The following NAALADL2 variants were observed in gnomAD, a reference collection of about 807,000 sequenced individuals.
NAALADL2 encodes the protein inactive N-acetylated-alpha-linked acidic dipeptidase-like protein 2.
NAALADL2 carries 76 observed loss-of-function variants against 87.2 expected under a neutral mutation model. The observed-to-expected ratio is 0.87, with a 90% CI of 0.72 to 1.05. The LOEUF (loss-of-function observed/expected upper bound fraction) is 1.05. Ranked by LOEUF, NAALADL2 falls within the 50% of genes least tolerant of loss-of-function variation. The pLI, the probability that NAALADL2 is intolerant of heterozygous loss-of-function variation, is 0.00. For synonymous variants in NAALADL2, 354 were observed against 331.0 expected, an observed-to-expected ratio of 1.07 and a Z score of -0.75; for missense variants, 1,089 against 945.8, an observed-to-expected ratio of 1.15 and a Z score of -1.99.
At chr3:175,683,309 G>A (rs1560970572) in intron 11 of NAALADL2, among the ~76,000 whole-genome samples, 1 of 151,712 alleles carries the variant, frequency 6.6e-6, no homozygotes, top group Non-Finnish European at 1.5e-5. Context: ...ACTAATTTTG[G>A]TCAAATTTAG....
chr3:175,090,756 G>A (rs543990696), intron 1 of NAALADL2, among the ~76,000 whole-genome samples: 1 of 152,030 alleles, frequency 6.6e-6, no homozygotes, highest in Admixed American at 6.6e-5. Context: ...ACTCATTTTA[G>A]AGTAGGCACT....
chr3:175,636,209 T>C (rs1421355766), intron 11 of NAALADL2, among the ~76,000 whole-genome samples: 2 of 151,880 alleles, frequency 1.3e-5, no homozygotes, highest in Non-Finnish European at 2.9e-5. Context: ...TGTGTGTGTG[T>C]GTGTGCGTGT....
At chr3:175,654,347 C>T (rs1731171236) in intron 11 of NAALADL2, among the ~76,000 whole-genome samples, 1 of 152,108 alleles carries the variant, frequency 6.6e-6, no homozygotes, top group Admixed American at 6.6e-5. Flanking sequence ...TCTAGGAATT[C>T]GTCTGCTGCC....
At chr3:175,366,741 T>G (rs1165785278) in intron 5 of NAALADL2, among the ~76,000 whole-genome samples, 1 of 150,628 alleles carries the variant, frequency 6.6e-6, no homozygotes, top group African/African-American at 2.4e-5. Context: ...TTGAGTTCAT[T>G]GTAGATTCTG....
intron 1 of NAALADL2, among the ~76,000 whole-genome samples, chr3:174,918,477 C>G (rs185215135): frequency 4.6e-5 from 7 of 152,236 alleles, no homozygotes; most frequent in Admixed American, 3.9e-4. Flanking sequence ...TGCTCACTAG[C>G]CTGCAGCTCA....
intron 5 of NAALADL2, among the ~76,000 whole-genome samples, chr3:175,405,146 G>C (rs1278628547): frequency 6.6e-6 from 1 of 152,136 alleles, no homozygotes; most frequent in Non-Finnish European, 1.5e-5. Context: ...AATAGAAGTA[G>C]TGTTCTTCAA....
At chr3:175,467,853 G>T (rs1387758463) in intron 8 of NAALADL2, among the ~76,000 whole-genome samples, 1 of 151,856 alleles carries the variant, frequency 6.6e-6, no homozygotes, top group African/African-American at 2.4e-5. Context: ...GACAGACCTG[G>T]GTCTCATAAA....
chr3:175,292,548 T>C (rs936095570), intron 4 of NAALADL2, among the ~76,000 whole-genome samples: 1 of 151,554 alleles, frequency 6.6e-6, no homozygotes, highest in Admixed American at 6.6e-5. Context: ...CAGTGATACA[T>C]TTAAAATGGA....
intron 1 of NAALADL2, among the ~76,000 whole-genome samples, chr3:174,957,595 A>G (rs572629582): frequency 6.6e-6 from 1 of 151,856 alleles, no homozygotes; most frequent in Non-Finnish European, 1.5e-5. Flanking sequence ...AAACTGTGGT[A>G]GGAGAATTTT....
chr3:175,665,555 A>G (rs542564036), intron 11 of NAALADL2, among the ~76,000 whole-genome samples: 122 of 152,166 alleles, frequency 8.0e-4, no homozygotes, highest in Non-Finnish European at 7.3e-4. Flanking sequence ...TTTAAATGCT[A>G]GAATAAAGTC....
chr3:174,729,746 C>G (rs1208326641), intron 2 of NAALADL2, among the ~76,000 whole-genome samples: 1 of 151,660 alleles, frequency 6.6e-6, no homozygotes, highest in Non-Finnish European at 1.5e-5. Flanking sequence ...CATCATTCCT[C>G]TTGTTTTGAA....
At chr3:175,759,370 T>G in intron 13 of NAALADL2, among the ~76,000 whole-genome samples, 1 of 145,784 alleles carries the variant, frequency 6.9e-6, no homozygotes, top group South Asian at 2.2e-4. Context: ...TTTTTTTTTT[T>G]CTTTTGAGAT....
In NAALADL2 at chr3:174,733,009, A is replaced by G. The variant is rs1427106744; in HGVS notation, c.-114-4632A>G. Reference sequence around the variant, plus strand: ...TTTTGTCCTTCTAATATGAGAATATACCATTTAAAAGTCTATGTATAGAGA... The same window carrying G: ...TTTTGTCCTTCTAATATGAGAATATGCCATTTAAAAGTCTATGTATAGAGA... On this transcript the variant is annotated intron_variant, in intron 2 of 3. Coordinates refer to the NAALADL2 transcript ENST00000434257. Among the ~76,000 whole-genome samples the G allele has an allele frequency of 2.6e-5, 4 of 152,210 alleles. No individual in the cohort carries two copies. In the East Asian group the frequency reaches 5.8e-4, roughly 22 times the overall value.
chr3:174,928,441 C>T (rs755475431), intron 1 of NAALADL2, among the ~76,000 whole-genome samples: 33 of 152,090 alleles, frequency 2.2e-4, no homozygotes, highest in Non-Finnish European at 4.7e-4. Context: ...GGGATTTCAC[C>T]ATGTTGGCCA....
At chr3:175,654,432 C>T (rs151035535) in intron 11 of NAALADL2, among the ~76,000 whole-genome samples, 769 of 152,232 alleles carry the variant, frequency 5.1e-3, no homozygotes, top group Admixed American at 7.9e-3. Flanking sequence ...AACTATTAAA[C>T]GGTCCTTTGC....
At chr3:175,651,880 C>G (rs1012467554) in intron 11 of NAALADL2, among the ~76,000 whole-genome samples, 1 of 152,118 alleles carries the variant, frequency 6.6e-6, no homozygotes, top group Non-Finnish European at 1.5e-5. Context: ...TTGTACAAAG[C>G]AAAGCAGAGA....
intron 2 of NAALADL2, among the ~76,000 whole-genome samples, chr3:175,136,868 G>A (rs1438311429): frequency 7.2e-5 from 11 of 152,086 alleles, no homozygotes; most frequent in Admixed American, 5.9e-4. Context: ...TATTTGAAAT[G>A]ATTCATCAAA....
At chr3:175,034,251 G>A (rs886770082) in intron 1 of NAALADL2, among the ~76,000 whole-genome samples, 1 of 152,052 alleles carries the variant, frequency 6.6e-6, no homozygotes, top group African/African-American at 2.4e-5. Flanking sequence ...AAAAAGCTTG[G>A]TAAACTCTAG....
At chr3:175,480,724 T>C (rs1207271562) in intron 9 of NAALADL2, among the ~76,000 whole-genome samples, 1 of 151,862 alleles carries the variant, frequency 6.6e-6, no homozygotes, top group Non-Finnish European at 1.5e-5. Context: ...TAGGTAATCA[T>C]AGGATCCAAA....
Sources: gnomAD v4.1 joint callset for allele counts (sites outside exome capture counted in the v4.1 genomes callset) on GRCh38, gnomAD v4.1.1 for gene constraint, MANE v1.5 for transcripts, NCBI Gene and HGNC (gene_info 2026-07-23, HGNC 2026-07-21) for gene names.